Variants in KCNMA1 observed in about 807,000 individuals in gnomAD.
KCNMA1 encodes potassium calcium-activated channel subfamily M alpha 1.
In KCNMA1, 29 loss-of-function variants were observed where a neutral mutation model predicts 140.0. That is an observed-to-expected ratio of 0.21 (90% CI 0.15 to 0.28). KCNMA1 has a LOEUF of 0.28. Ranked by LOEUF, KCNMA1 falls within the 10% of genes least tolerant of loss-of-function variation. KCNMA1 has a pLI of 1.00. For missense variants in KCNMA1, 880 were observed against 1,602.2 expected, an observed-to-expected ratio of 0.55 and a Z score of 7.70; for synonymous variants, 612 against 611.9, an observed-to-expected ratio of 1.00 and a Z score of 0.00.
At chr10:77,148,950 T>G (rs533152125) in intron 5 of KCNMA1, among the ~76,000 whole-genome samples, 9 of 152,358 alleles carry the variant, frequency 5.9e-5, no homozygotes, top group African/African-American at 2.2e-4. Flanking sequence ...ATTTGGAAGT[T>G]CCTTCTGTTT....
intron 21 of KCNMA1, chr10:76,952,218 T>C: frequency 6.5e-7 from 1 of 1,533,862 alleles, no homozygotes; most frequent in Non-Finnish European, 8.8e-7. Flanking sequence ...GTGCCATGAA[T>C]ACATCAGAAT....
chr10:77,193,330 T>C lies in KCNMA1; in HGVS notation c.603-8414A>G, dbSNP rs116878591. The stretch of plus-strand genomic sequence containing the variant: ...TTCATATTTGCCAGCAACTTCTATG[T>C]AATAAATCAGAGCTAAGCTACTACA... On this transcript the variant is annotated intron_variant, in intron 3 of 27. Transcript: ENST00000286628. Among the ~76,000 whole-genome samples, 642 of 152,330 alleles carry C rather than the reference T, an allele frequency of 4.2e-3. 5 individuals are homozygous for C. The highest frequency in any genetic ancestry group is 4.8e-3 in the Non-Finnish European group (325 of 68,028).
chr10:77,604,961 T>C (rs1358117410), intron 1 of KCNMA1, among the ~76,000 whole-genome samples: 2 of 152,018 alleles, frequency 1.3e-5, no homozygotes, highest in Non-Finnish European at 2.9e-5. Flanking sequence ...TCTGGAACAT[T>C]TCAAAGGCCT....
rs1260338835 is a variant in KCNMA1 at position 76,998,369 on chromosome 10, AAG to A, written c.2266+3036_2266+3037del. On this transcript the variant is annotated intron_variant, in intron 19 of 27. Coordinates refer to ENST00000286628, the MANE Select transcript of KCNMA1 (RefSeq NM_001161352.2). Reference sequence around the variant, plus strand: ...TAGAGTAAAGAGGGAAACGAAAGGAAAGAGAGAAATGAATTAGGCAGTCTCCA... The same window carrying A: ...TAGAGTAAAGAGGGAAACGAAAGGAAAGAGAAATGAATTAGGCAGTCTCCA... 2.0e-5 allele frequency among the ~76,000 whole-genome samples: 3 copies of A among 152,288 alleles called. No individual in the cohort carries two copies. In the East Asian group the frequency reaches 5.8e-4, roughly 29 times the overall value.
At position 77,210,947 on chromosome 10, in the gene KCNMA1, C is replaced by T. The variant is rs149678975; in HGVS notation, c.603-26031G>A. Among the ~76,000 whole-genome samples the T allele has an allele frequency of 2.6e-3, 391 of 152,270 alleles. 3 individuals carry two copies. Among genetic ancestry groups the T allele is most frequent in the African/African-American group, 9.0e-3 (373 of 41,548 alleles). ...AATAAATGGAAAAACATTTCATGCT[C>T]ATGGATAGGAAGACTGAATATTGTT... On this transcript the variant is annotated intron_variant, in intron 3 of 27. Coordinates refer to ENST00000286628, the MANE Select transcript of KCNMA1 (RefSeq NM_001161352.2).
intron 2 of KCNMA1, among the ~76,000 whole-genome samples, chr10:77,379,800 GC>G (rs1452671006): frequency 6.6e-6 from 1 of 151,988 alleles, no homozygotes; most frequent in East Asian, 1.9e-4. Context: ...CCCCATCCCT[GC>G]CCCATAATGC....
intron 6 of KCNMA1, among the ~76,000 whole-genome samples, chr10:77,116,086 A>G (rs1372940717): frequency 1.3e-5 from 2 of 152,230 alleles, no homozygotes; most frequent in African/African-American, 4.8e-5. Context: ...ATCTGGGCCA[A>G]ACACGAAGCT....
intron 23 of KCNMA1, among the ~76,000 whole-genome samples, chr10:76,944,361 G>T (rs1302595199): frequency 6.6e-6 from 1 of 152,190 alleles, no homozygotes; most frequent in Non-Finnish European, 1.5e-5. Flanking sequence ...CCTAGAGGCG[G>T]CTCTAACAAT....
chr10:77,099,710 ATC>A (rs1195418701), intron 9 of KCNMA1, among the ~76,000 whole-genome samples: 1 of 101,006 alleles, frequency 9.9e-6, no homozygotes, highest in Non-Finnish European at 2.0e-5. Flanking sequence ...GCAAAACTCC[ATC>A]TCAAAAAAAA....
At chr10:77,634,415 T>A in intron 1 of KCNMA1, 1 of 985,436 alleles carries the variant, frequency 1.0e-6, no homozygotes, top group Non-Finnish European at 1.2e-6. Flanking sequence ...AGGCCAAAGG[T>A]ACTAATGAAG....
chr10:77,415,542 T>C (rs141389800), intron 1 of KCNMA1, among the ~76,000 whole-genome samples: 3 of 152,312 alleles, frequency 2.0e-5, no homozygotes, highest in African/African-American at 7.2e-5. Flanking sequence ...ATTACATTTG[T>C]TTCTCATCAG....
intron 2 of KCNMA1, among the ~76,000 whole-genome samples, chr10:77,268,640 C>T (rs765592791): frequency 1.3e-5 from 2 of 152,054 alleles, no homozygotes; most frequent in African/African-American, 2.4e-5. Flanking sequence ...GATCGCTTCC[C>T]GGTGAAAAGA....
chr10:77,531,838 C>T lies in KCNMA1; in HGVS notation c.378+105427G>A, dbSNP rs77493100. Among the ~76,000 whole-genome samples, 12 of 152,308 alleles carry T rather than the reference C, an allele frequency of 7.9e-5. No homozygotes were observed. The East Asian group carries it at 9.7e-4, about 12-fold the overall frequency. ...AAGAAAGAGGCAACAAGGGACTTGCCCACGGGCACTCAGCTGTGTCAGTCC... is the reference window on the plus strand; with the variant it reads ...AAGAAAGAGGCAACAAGGGACTTGCTCACGGGCACTCAGCTGTGTCAGTCC... On this transcript the variant is annotated intron_variant, in intron 1 of 27. Coordinates refer to ENST00000286628, the MANE Select transcript of KCNMA1 (RefSeq NM_001161352.2).
intron 19 of KCNMA1, chr10:76,977,613 C>T: frequency 1.4e-6 from 1 of 702,910 alleles, no homozygotes; most frequent in East Asian, 2.7e-5. Flanking sequence ...TTTCCAGTCT[C>T]CACAAAGAAC....
At chr10:77,113,542 C>T (rs2097374783) in intron 6 of KCNMA1, among the ~76,000 whole-genome samples, 1 of 152,212 alleles carries the variant, frequency 6.6e-6, no homozygotes, top group South Asian at 2.1e-4. Context: ...TGGCTCACTG[C>T]AACCTCTGCC....
chr10:77,594,661 C>G (rs2080254738), intron 1 of KCNMA1, among the ~76,000 whole-genome samples: 1 of 152,164 alleles, frequency 6.6e-6, no homozygotes, highest in Non-Finnish European at 1.5e-5. Context: ...ACTTACAAGT[C>G]CCACAGGGCA....
intron 18 of KCNMA1, among the ~76,000 whole-genome samples, chr10:77,010,529 G>A (rs1363369919): frequency 1.3e-5 from 2 of 152,048 alleles, no homozygotes; most frequent in African/African-American, 4.8e-5. Context: ...ATAAGAGTCT[G>A]GGGGAAGGGG....
chr10:77,233,395 C>G (rs1382668111), intron 3 of KCNMA1, among the ~76,000 whole-genome samples: 3 of 152,048 alleles, frequency 2.0e-5, no homozygotes, highest in Non-Finnish European at 4.4e-5. Context: ...ATGATTTGGA[C>G]CAAAAAAATT....
intron 1 of KCNMA1, among the ~76,000 whole-genome samples, chr10:77,451,271 C>T (rs2097651862): frequency 6.6e-6 from 1 of 152,174 alleles, no homozygotes; most frequent in African/African-American, 2.4e-5. Context: ...GAATCTTCCT[C>T]TTATTGTCAT....
Sources: allele counts gnomAD v4.1 joint callset (sites outside exome capture counted in the v4.1 genomes callset), GRCh38; gene constraint gnomAD v4.1.1; transcripts MANE v1.5; gene names NCBI Gene and HGNC (gene_info 2026-07-23, HGNC 2026-07-21).